Variants in ASPH observed in about 807,000 individuals in gnomAD.
The protein encoded by ASPH is aspartyl/asparaginyl beta-hydroxylase.
In ASPH, 100 loss-of-function variants were observed where a neutral mutation model predicts 118.4. The ratio of observed to expected loss-of-function variants is 0.84; its 90% CI spans 0.72 to 1.00. The LOEUF (loss-of-function observed/expected upper bound fraction) is 1.00, where lower values mean the gene tolerates loss of function less well. Among genes scored for constraint, ASPH ranks in the 50% least tolerant of loss-of-function variants. The pLI, the probability that ASPH is intolerant of heterozygous loss-of-function variation, is 0.00. For missense variants in ASPH, 920 were observed against 919.5 expected, an observed-to-expected ratio of 1.00 and a Z score of -0.01; for synonymous variants, 315 against 325.6, an observed-to-expected ratio of 0.97 and a Z score of 0.35.
intron 19 of ASPH, 142 bp downstream of exon 19, chr8:61,555,781 GA>G: frequency 1.5e-6 from 1 of 661,186 alleles, no homozygotes; most frequent in Non-Finnish European, 2.5e-6. Flanking sequence ...CGCTGCTTAT[GA>G]ATGTCATGGT....
intron 24 of ASPH, among the ~76,000 whole-genome samples, chr8:61,512,195 C>T (rs1261937924): frequency 2.0e-5 from 3 of 152,106 alleles, no homozygotes; most frequent in African/African-American, 4.8e-5. Flanking sequence ...CCCCATAAGC[C>T]GCCCTGTCCC....
intron 18 of ASPH, among the ~76,000 whole-genome samples, chr8:61,560,765 C>T (rs900841190): frequency 2.0e-5 from 3 of 151,840 alleles, no homozygotes; most frequent in East Asian, 3.9e-4. Context: ...TGAGATTTAG[C>T]GTCAGGTAAA....
intron 15 of ASPH, among the ~76,000 whole-genome samples, chr8:61,577,370 A>G (rs1319772558): frequency 2.7e-5 from 4 of 149,528 alleles, no homozygotes; most frequent in Non-Finnish European, 4.4e-5. Flanking sequence ...GACAAAAAAA[A>G]AAGAAAATGG....
At chr8:61,664,320 A>T (rs1200251909) in intron 3 of ASPH, 1 of 972,950 alleles carries the variant, frequency 1.0e-6, no homozygotes, top group African/African-American at 1.8e-5. Flanking sequence ...CATTCAACCA[A>T]AATAATGGAA....
intron 15 of ASPH, among the ~76,000 whole-genome samples, chr8:61,581,807 G>A (rs1837632092): frequency 6.6e-6 from 1 of 152,046 alleles, no homozygotes; most frequent in Admixed American, 6.6e-5. Flanking sequence ...CAACAAATAA[G>A]CAAATATATT....
chr8:61,525,725 A>G (rs1815073302), intron 22 of ASPH, among the ~76,000 whole-genome samples: 1 of 151,954 alleles, frequency 6.6e-6, no homozygotes, highest in Non-Finnish European at 1.5e-5. Context: ...AAATCAGAAC[A>G]CTATTCATGA....
chr8:61,624,052 GA>G, intron 13 of ASPH: 1 of 268,352 alleles, frequency 3.7e-6, no homozygotes, highest in Non-Finnish European at 5.7e-6. Flanking sequence ...AGCAGGAGGT[GA>G]AGATGGTTAA....
chr8:61,653,759 G>A, intron 3 of ASPH, 99 bp from the exon 4 acceptor site: 2 of 1,182,440 alleles, frequency 1.7e-6, no homozygotes, highest in South Asian at 3.1e-5. Context: ...AATTAATAGT[G>A]CTGCTAATTA....
chr8:61,675,513 A>T, intron 3 of ASPH: 1 of 982,028 alleles, frequency 1.0e-6, no homozygotes, highest in Non-Finnish European at 1.2e-6. Flanking sequence ...TTAACACAGA[A>T]TTTTACATAG....
At chr8:61,644,693 C>G in intron 6 of ASPH, 61 bp from the exon 7 acceptor site, 1 of 1,222,620 alleles carries the variant, frequency 8.2e-7, no homozygotes, top group Non-Finnish European at 1.1e-6. Flanking sequence ...GTATATATCC[C>G]GTATATGTAC....
chr8:61,612,468 A>C (rs1363962812), intron 14 of ASPH, among the ~76,000 whole-genome samples: 1 of 149,408 alleles, frequency 6.7e-6, no homozygotes, highest in East Asian at 2.0e-4. Flanking sequence ...CTGCCTTTGG[A>C]GCTCAAGTGA....
chr8:61,605,230 T>C (rs10088051), intron 14 of ASPH, among the ~76,000 whole-genome samples: 77,660 of 152,090 alleles, frequency 0.51, 21,898 homozygotes, highest in Non-Finnish European at 0.64. Context: ...ATTAAGAGCC[T>C]CTTAGAAAAG....
chr8:61,643,064 T>C (rs757778755), intron 9 of ASPH, 144 bp from the exon 10 acceptor site: 3 of 779,726 alleles, frequency 3.8e-6, no homozygotes, highest in Admixed American at 3.7e-5. Context: ...CAATAATAAA[T>C]GCCTCTGCCC....
chr8:61,576,490 G>A (rs980056944), intron 16 of ASPH: 21 of 302,286 alleles, frequency 6.9e-5, no homozygotes, highest in African/African-American at 4.5e-4. Context: ...GGTGGGATTA[G>A]ATGGAATGGG....
intron 24 of ASPH, among the ~76,000 whole-genome samples, chr8:61,503,817 A>G (rs773110500): frequency 1.6e-4 from 24 of 152,218 alleles, no homozygotes; most frequent in Non-Finnish European, 2.2e-4. Context: ...CATGTCTTGC[A>G]ATTATTCTGG....
At chr8:61,604,570 G>A (rs530796877) in intron 14 of ASPH, among the ~76,000 whole-genome samples, 5 of 152,258 alleles carry the variant, frequency 3.3e-5, no homozygotes, top group African/African-American at 9.6e-5. Context: ...TCACTTAGAA[G>A]GAGGTGACAT....
chr8:61,606,747 T>A (rs1489137030), intron 14 of ASPH: 1 of 152,256 alleles, frequency 6.6e-6, no homozygotes, highest in Non-Finnish European at 1.5e-5. Context: ...TATGATAATT[T>A]TCCCAAAAAG....
intron 14 of ASPH, among the ~76,000 whole-genome samples, chr8:61,585,520 C>T (rs1319974643): frequency 6.6e-6 from 1 of 152,210 alleles, no homozygotes; most frequent in Non-Finnish European, 1.5e-5. Context: ...CCCTCTCCGC[C>T]AACACACACA....
intron 20 of ASPH, among the ~76,000 whole-genome samples, chr8:61,552,418 C>T (rs1442865222): frequency 6.6e-6 from 1 of 152,190 alleles, no homozygotes. Context: ...ACTTTTTTAG[C>T]TACTACATTT....
Sources: gnomAD v4.1 joint callset for allele counts (sites outside exome capture counted in the v4.1 genomes callset) on GRCh38, gnomAD v4.1.1 for gene constraint, MANE v1.5 for transcripts, NCBI Gene and HGNC (gene_info 2026-07-23, HGNC 2026-07-21) for gene names.